Variants in KLHL42 observed in about 807,000 individuals in gnomAD.
The protein encoded by KLHL42 is kelch-like protein 42.
Under a neutral mutation model 32.7 loss-of-function variants are expected in KLHL42, and 27 were observed. The ratio of observed to expected loss-of-function variants is 0.83; its 90% CI spans 0.61 to 1.14. The LOEUF is 1.14. Among genes scored for constraint, KLHL42 ranks in the 50% most tolerant of loss-of-function variants. The pLI is 0.00. For missense variants in KLHL42, 491 were observed against 560.8 expected, an observed-to-expected ratio of 0.88 and a Z score of 1.26; for synonymous variants, 267 against 248.2, an observed-to-expected ratio of 1.08 and a Z score of -0.71.
At chr12:27,783,491 A>C (rs977765604) in intron 1 of KLHL42, among the ~76,000 whole-genome samples, 1 of 152,248 alleles carries the variant, frequency 6.6e-6, no homozygotes, top group Non-Finnish European at 1.5e-5. Context: ...TCTAGGTTGT[A>C]CTAATTATTA....
At chr12:27,796,077 T>C (rs1382750412) in intron 2 of KLHL42, among the ~76,000 whole-genome samples, 3 of 152,164 alleles carry the variant, frequency 2.0e-5, no homozygotes, top group Admixed American at 6.5e-5. Flanking sequence ...TCATAATAGC[T>C]ACAGTAAAAA....
rs1277174581 is a variant in KLHL42 at position 27,799,204 on chromosome 12, G to A, written c.*1038G>A. The A allele has an allele frequency of 6.6e-6, 1 of 152,204 alleles. No individual in the cohort carries two copies. Among genetic ancestry groups the A allele is most frequent in the Non-Finnish European group, 1.5e-5 (1 of 68,032 alleles). The allele number at this position is 152,204 out of a possible 1,614,324, so 9.4% of individuals were successfully genotyped here. On this transcript the variant is annotated 3_prime_UTR_variant, in exon 3 of 3. Transcript: ENST00000381271. ...TTTAAATATTTGTGCTGGAGTGAGG[G>A]GAAGAAGCTGTTACAGAAGTGGAAT...
intron 1 of KLHL42, among the ~76,000 whole-genome samples, chr12:27,790,678 A>G (rs1013699117): frequency 1.3e-5 from 2 of 152,232 alleles, no homozygotes; most frequent in Non-Finnish European, 2.9e-5. Flanking sequence ...TATTATTTTT[A>G]TGAAAGATGA....
rs2062231042 is a variant in KLHL42, at chr12:27,798,744, T to G, written c.*578T>G. On this transcript the variant is annotated 3_prime_UTR_variant, in exon 3 of 3. Coordinates refer to ENST00000381271, the MANE Select transcript of KLHL42 (RefSeq NM_020782.2). ...AATGATGGAGCCCTACAGTGAATCC[T>G]TACCAGTGTTCAGTCCTCCCCAAAA... 6.6e-6 allele frequency: 1 copy of G among 152,110 alleles called. No individual in the cohort carries two copies. The highest frequency in any genetic ancestry group is 1.5e-5 in the Non-Finnish European group (1 of 68,074). The allele number at this position is 152,110 out of a possible 1,614,324, so 9.4% of individuals were successfully genotyped here. A position where few individuals can be genotyped will look rare whatever the true frequency, so the allele number is the denominator to read the frequency against.
Position 27,799,946 on chromosome 12 carries a change from C to A in KLHL42, c.*1780C>A. On this transcript the variant is annotated 3_prime_UTR_variant, in exon 3 of 3. Transcript: ENST00000381271. The stretch of plus-strand genomic sequence containing the variant: ...AAAAATAAAACCTCTGAACCAAAAT[C>A]TTCCCAGGAATAGTACTTAATAGAT... 1 of 899,718 alleles carries A rather than the reference C, an allele frequency of 1.1e-6. No homozygotes were observed. The highest frequency in any genetic ancestry group is 1.3e-6 in the Non-Finnish European group (1 of 751,790). The allele number at this position is 899,718 out of a possible 1,614,324, so 55.7% of individuals were successfully genotyped here.
In KLHL42 at chr12:27,799,994, T is replaced by C; in HGVS notation, c.*1828T>C. 1 of 887,402 alleles carries C rather than the reference T, an allele frequency of 1.1e-6. No individual in the cohort carries two copies. Among genetic ancestry groups the C allele is most frequent in the Non-Finnish European group, 1.4e-6 (1 of 740,638 alleles). The allele number at this position is 887,402 out of a possible 1,614,324, so 55.0% of individuals were successfully genotyped here. On this transcript the variant is annotated 3_prime_UTR_variant, in exon 3 of 3. Coordinates refer to ENST00000381271, the MANE Select transcript of KLHL42 (RefSeq NM_020782.2). ...GATTTTAATGTTAATTTATATTCAT[T>C]GTAGAATTGAATTTCCAGTGACCTG... is the stretch of plus-strand genomic sequence containing the variant.
chr12:27,780,751 G>T lies in KLHL42; in HGVS notation c.421G>T (p.Gly141Trp), dbSNP rs753195539. ...LEMYRLAQVY[G>W]LPDLQEACLR... ...GATGTACCGCCTGGCGCAGGTGTACGGGCTGCCCGACCTGCAGGAGGCCTG... is the reference window on the plus strand; with the variant it reads ...GATGTACCGCCTGGCGCAGGTGTACTGGCTGCCCGACCTGCAGGAGGCCTG... The change falls in exon 1 of 3, where the codon GGG becomes TGG. Residue 141 changes from glycine (G) to tryptophan (W), a missense_variant. Gly to Trp is a radical substitution (Grantham distance 184). Coordinates refer to ENST00000381271, the MANE Select transcript of KLHL42 (RefSeq NM_020782.2). This position sits in a 1 kb window ranked among gnomAD's most constrained non-coding sequence, Gnocchi z 8.8. 5.0e-6 allele frequency: 8 copies of T among 1,613,232 alleles called. No individual in the cohort carries two copies. The highest frequency in any genetic ancestry group is 4.2e-6 in the Non-Finnish European group (5 of 1,180,004).
chr12:27,802,938 C>A lies in KLHL42; in HGVS notation c.*4772C>A, dbSNP rs1022940012. ...TTAAAAGTGTAAACATTATGTGATT[C>A]ATTTGAATACAAGAATGCCTATGAA... On this transcript the variant is annotated 3_prime_UTR_variant, in exon 3 of 3. Coordinates refer to ENST00000381271, the MANE Select transcript of KLHL42 (RefSeq NM_020782.2). The A allele has an allele frequency of 1.3e-5, 2 of 152,176 alleles. No homozygotes were observed. The highest frequency in any genetic ancestry group is 2.9e-5 in the Non-Finnish European group (2 of 68,026). 9.4% of individuals were successfully genotyped at this position (152,176 alleles called of 1,614,324 possible).
intron 1 of KLHL42, among the ~76,000 whole-genome samples, chr12:27,784,340 A>T (rs543953206): frequency 6.7e-6 from 1 of 148,656 alleles, no homozygotes. Context: ...AAGGGGTTTC[A>T]CCTTGTTAGC....
Position 27,791,353 on chromosome 12 carries a change from G to A in KLHL42, c.873-355G>A, listed in dbSNP as rs76132645. Among the ~76,000 whole-genome samples, 294 of 152,288 alleles carry A rather than the reference G, an allele frequency of 1.9e-3. 1 individual carries two copies. Among genetic ancestry groups the A allele is most frequent in the African/African-American group, 6.9e-3 (285 of 41,554 alleles). ...GAGGTGAAAGACAATGGGGTGATGTGGGTGCCTTCCCCTCTTACCCTTGTG... is the reference window on the plus strand; with the variant it reads ...GAGGTGAAAGACAATGGGGTGATGTAGGTGCCTTCCCCTCTTACCCTTGTG... On this transcript the variant is annotated intron_variant, in intron 1 of 2. Coordinates refer to ENST00000381271, the MANE Select transcript of KLHL42 (RefSeq NM_020782.2).
intron 2 of KLHL42, chr12:27,797,235 C>T: frequency 2.2e-6 from 1 of 456,308 alleles, no homozygotes; most frequent in South Asian, 1.5e-5. Context: ...AACGTTGTGT[C>T]CTTTTCACTA....
intron 1 of KLHL42, among the ~76,000 whole-genome samples, chr12:27,784,708 C>T (rs2062164357): frequency 6.6e-6 from 1 of 152,220 alleles, no homozygotes; most frequent in Admixed American, 6.5e-5. Context: ...CTGATTTCCT[C>T]TTCCATCAAA....
rs773954020 is a variant in KLHL42 at position 27,797,754 on chromosome 12, A to C, written c.1106A>C (p.Asp369Ala). 6.9e-6 allele frequency: 5 copies of C among 722,014 alleles called. No individual in the cohort carries two copies. Among genetic ancestry groups the C allele is most frequent in the Non-Finnish European group, 1.0e-5 (4 of 388,344 alleles). The allele number at this position is 722,014 out of a possible 1,614,324, so 44.7% of individuals were successfully genotyped here. The change falls in exon 3 of 3, where the codon GAC (aspartate) becomes GCC (alanine). Residue 369 changes from aspartate (D) to alanine (A), a missense_variant. By Grantham distance (126) the Asp-to-Ala change is moderately radical. Around this residue, in one of 4 missense-constraint regions of KLHL42, gnomAD observed 152 missense variants for 125.9 expected, o/e 1.21. Transcript: ENST00000381271. ...MNILQYCPSS[D>A]MWTLFETCDV... ...ATTTTGCAGTACTGCCCCTCTTCCG[A>C]CATGTGGACGCTCTTTGAAACATGT...
At chr12:27,786,659 AG>A (rs1490648739) in intron 1 of KLHL42, among the ~76,000 whole-genome samples, 2 of 150,986 alleles carry the variant, frequency 1.3e-5, no homozygotes, top group East Asian at 3.9e-4. Context: ...CACTTTTCCC[AG>A]GGACTGAATA....
chr12:27,787,494 CA>C (rs552199790), intron 1 of KLHL42: 57,996 of 112,952 alleles, frequency 0.51, 12,462 homozygotes, highest in African/African-American at 0.59. Context: ...GACTTTGTCT[CA>C]AAAAAAAAAA....
In KLHL42 at chr12:27,799,809, A is replaced by G. The variant is rs965619014; in HGVS notation, c.*1643A>G. 1 of 212,570 alleles carries G rather than the reference A, an allele frequency of 4.7e-6. No homozygotes were observed. Among genetic ancestry groups the G allele is most frequent in the South Asian group, 1.7e-4 (1 of 5,958 alleles). 13.2% of individuals were successfully genotyped at this position (212,570 alleles called of 1,614,324 possible). The stretch of plus-strand genomic sequence containing the variant: ...AATGAGGTAAGCCATTATTTTGGAC[A>G]TAGAAACAGATCTTTGTATCTTGTC... On this transcript the variant is annotated 3_prime_UTR_variant, in exon 3 of 3. Transcript: ENST00000381271.
chr12:27,802,684 T>C lies in KLHL42; in HGVS notation c.*4518T>C, dbSNP rs1232646000. ...TTGGCTGGTGCTTTCTCAAATGGAT[T>C]GCCATAGTTCATTACTAGTAAAGAA... On this transcript the variant is annotated 3_prime_UTR_variant, in exon 3 of 3. Coordinates refer to ENST00000381271, the MANE Select transcript of KLHL42 (RefSeq NM_020782.2). The C allele has an allele frequency of 1.3e-5, 2 of 152,544 alleles. No homozygotes were observed. The highest frequency in any genetic ancestry group is 2.4e-5 in the African/African-American group (1 of 41,414). 9.4% of individuals were successfully genotyped at this position (152,544 alleles called of 1,614,324 possible).
Position 27,780,892 on chromosome 12 carries a change from GC to G in KLHL42, c.565del (p.Arg189GlyfsTer2). 6.2e-7 allele frequency: 1 copy of G among 1,611,576 alleles called. No homozygotes were observed. The highest frequency in any genetic ancestry group is 8.5e-7 in the Non-Finnish European group (1 of 1,178,092). ...DVSLKQRLREARMTGTPVLVA... is the reference protein window; with the variant it reads ...DVSLKQRLREXRMTGTPVLVA... The stretch of plus-strand genomic sequence containing the variant: ...CAGCCTGAAGCAGAGGCTGAGGGAG[GC>G]CCGGATGACTGGGACTCCTGTCCTC... On this transcript the variant is annotated frameshift_variant, in exon 1 of 3. Coordinates refer to ENST00000381271, the MANE Select transcript of KLHL42 (RefSeq NM_020782.2). LOFTEE classifies it high-confidence loss of function. The surrounding 1 kb of genome is among the most constrained non-coding windows in gnomAD (Gnocchi z 8.8).
At chr12:27,791,063 A>G (rs2062194566) in intron 1 of KLHL42, among the ~76,000 whole-genome samples, 1 of 152,212 alleles carries the variant, frequency 6.6e-6, no homozygotes, top group Admixed American at 6.5e-5. Context: ...CCTGTTTCAT[A>G]AATAAATTAG....
Sources: allele counts gnomAD v4.1 joint callset (sites outside exome capture counted in the v4.1 genomes callset), GRCh38; gene constraint gnomAD v4.1.1; regional missense constraint gnomAD v4.1.1; non-coding constraint Gnocchi (gnomAD v3.1); transcripts MANE v1.5; gene names NCBI Gene and HGNC (gene_info 2026-07-23, HGNC 2026-07-21).